Variants in DNM3 observed in about 807,000 individuals in gnomAD.
DNM3 encodes dynamin 3, also known as dynamin-3.
Under a neutral mutation model 101.6 loss-of-function variants are expected in DNM3, and 47 were observed. That is an observed-to-expected ratio of 0.46 (90% CI 0.37 to 0.59). The LOEUF (loss-of-function observed/expected upper bound fraction) is 0.59. DNM3 is among the 20% of genes least tolerant of loss of function. DNM3 has a pLI of 0.00. For synonymous variants in DNM3, 385 were observed against 387.9 expected (o/e 0.99, Z 0.09); for missense variants, 849 against 1,085.7 (o/e 0.78, Z 3.06).
rs2071169131 is a variant in DNM3 at position 172,410,948 on chromosome 1, C to G, written c.*3107C>G. 2.0e-6 allele frequency: 2 copies of G among 985,206 alleles called. No homozygotes were observed. The highest frequency in any genetic ancestry group is 2.4e-6 in the Non-Finnish European group (2 of 829,798). 61.0% of individuals were successfully genotyped at this position (985,206 alleles called of 1,614,324 possible). The stretch of plus-strand genomic sequence containing the variant: ...AAACACATTTTCTATGCATGTGTCT[C>G]TGTGTATATGGCATATACCTAGTAA... On this transcript the variant is annotated 3_prime_UTR_variant, in exon 21 of 21. Transcript: ENST00000627582.
intron 10 of DNM3, among the ~76,000 whole-genome samples, chr1:172,053,213 A>G (rs375531856): frequency 6.6e-6 from 1 of 152,112 alleles, no homozygotes; most frequent in Non-Finnish European, 1.5e-5. Flanking sequence ...TGCTTCAGCC[A>G]TTCTAGATGA....
chr1:172,207,031 T>C (rs1217880325), intron 14 of DNM3, among the ~76,000 whole-genome samples: 3 of 152,028 alleles, frequency 2.0e-5, no homozygotes, highest in Non-Finnish European at 4.4e-5. Flanking sequence ...TGGTAGATGC[T>C]CAGGATTTCT....
chr1:171,884,948 C>T (rs1389777132), intron 1 of DNM3, among the ~76,000 whole-genome samples: 1 of 152,206 alleles, frequency 6.6e-6, no homozygotes, highest in Admixed American at 6.5e-5. Flanking sequence ...AATCAGTCCA[C>T]TACATGTTCC....
intron 17 of DNM3, among the ~76,000 whole-genome samples, chr1:172,343,107 C>A (rs193205657): frequency 3.9e-5 from 6 of 152,284 alleles, no homozygotes; most frequent in African/African-American, 1.4e-4. Flanking sequence ...ACCTCTAAGA[C>A]TAACCATAAT....
intron 7 of DNM3, among the ~76,000 whole-genome samples, chr1:172,040,013 A>G (rs1408640164): frequency 1.3e-5 from 2 of 152,168 alleles, no homozygotes; most frequent in African/African-American, 4.8e-5. Flanking sequence ...CATGTGAGGA[A>G]GGATGTGAAT....
chr1:172,106,965 A>C (rs1173187017), intron 13 of DNM3, among the ~76,000 whole-genome samples: 1 of 140,184 alleles, frequency 7.1e-6, no homozygotes, highest in Non-Finnish European at 1.5e-5. Flanking sequence ...GGTTCACGCC[A>C]TTCTCCTGCC....
At chr1:172,108,619 A>C (rs2055239159) in intron 13 of DNM3, among the ~76,000 whole-genome samples, 1 of 152,226 alleles carries the variant, frequency 6.6e-6, no homozygotes, top group South Asian at 2.1e-4. Context: ...TTACTCCCAA[A>C]GTTACTATGA....
At chr1:171,978,154 C>T (rs1014257709) in intron 2 of DNM3, among the ~76,000 whole-genome samples, 3 of 152,092 alleles carry the variant, frequency 2.0e-5, no homozygotes, top group African/African-American at 7.2e-5. Context: ...AGATAATGCT[C>T]CTGTTCTCAT....
chr1:171,911,106 C>T (rs2039258591), intron 1 of DNM3, among the ~76,000 whole-genome samples: 2 of 152,080 alleles, frequency 1.3e-5, no homozygotes, highest in South Asian at 4.1e-4. Context: ...GAGAGAGAAG[C>T]TGGATCCAGG....
intron 13 of DNM3, chr1:172,093,856 G>A (rs1461096930): frequency 2.4e-5 from 18 of 735,098 alleles, no homozygotes; most frequent in East Asian, 2.1e-4. Context: ...TGTCTTGTCC[G>A]TAACACCCTA....
At chr1:171,968,519 C>CA (rs370621859) in intron 2 of DNM3, among the ~76,000 whole-genome samples, 1 of 152,270 alleles carries the variant, frequency 6.6e-6, no homozygotes, top group African/African-American at 2.4e-5. Flanking sequence ...GAGGGGACTT[C>CA]ATTATCATGC....
chr1:172,299,431 T>A (rs1573357610), intron 15 of DNM3, among the ~76,000 whole-genome samples: 1 of 152,202 alleles, frequency 6.6e-6, no homozygotes, highest in Admixed American at 6.5e-5. Context: ...GCAGGTTTGT[T>A]ACATGGGTAT....
intron 1 of DNM3, among the ~76,000 whole-genome samples, chr1:171,853,468 G>A (rs2033217470): frequency 6.6e-6 from 1 of 152,034 alleles, no homozygotes. Context: ...TGCCTGGTCT[G>A]TATTTATTTA....
At chr1:172,097,951 T>C (rs1187536429) in intron 13 of DNM3, among the ~76,000 whole-genome samples, 1 of 151,968 alleles carries the variant, frequency 6.6e-6, no homozygotes, top group African/African-American at 2.4e-5. Context: ...ACGAATAGGG[T>C]TTGGGTCACA....
At chr1:172,082,850 A>T (rs558441962) in intron 12 of DNM3, among the ~76,000 whole-genome samples, 2 of 152,226 alleles carry the variant, frequency 1.3e-5, no homozygotes, top group African/African-American at 4.8e-5. Context: ...ACTGAAAATT[A>T]TCTCATCCTA....
At chr1:172,316,288 C>A (rs989426791) in intron 16 of DNM3, among the ~76,000 whole-genome samples, 2 of 151,882 alleles carry the variant, frequency 1.3e-5, no homozygotes, top group East Asian at 3.9e-4. Context: ...AAAATCATGC[C>A]AAAATGTAAA....
At position 172,116,512 on chromosome 1, in the gene DNM3, G is replaced by C. The variant is rs1174786268; in HGVS notation, c.1546-14663G>C. On this transcript the variant is annotated intron_variant, in intron 13 of 20. Transcript: ENST00000627582. ...GCATGGAGTGGACAGGTGGTGTTGG[G>C]GAGGGGGAACAGGGAAAGGCAGAGG... 2.6e-5 allele frequency among the ~76,000 whole-genome samples: 4 copies of C among 152,208 alleles called. No individual in the cohort carries two copies. In the East Asian group the frequency reaches 7.7e-4, roughly 29 times the overall value.
rs187020723 is a variant in DNM3 at position 171,861,037 on chromosome 1, G to A, written c.161+19220G>A. Among the ~76,000 whole-genome samples the A allele has an allele frequency of 2.7e-3, 414 of 152,124 alleles. 4 individuals are homozygous for A. Among genetic ancestry groups the A allele is most frequent in the African/African-American group, 9.6e-3 (397 of 41,516 alleles). On this transcript the variant is annotated intron_variant, in intron 1 of 20. Transcript: ENST00000627582. ...AATCAGTACTTGTCAATATATCATT[G>A]ATATTTAAAACCTTAAGACTGCACA...
rs542363824 is a variant in DNM3 at position 171,988,577 on chromosome 1, C to T, written c.386-368C>T. Among the ~76,000 whole-genome samples, 14 of 152,098 alleles carry T rather than the reference C, an allele frequency of 9.2e-5. No individual in the cohort carries two copies. In the South Asian group the frequency reaches 2.9e-3, roughly 32 times the overall value. On this transcript the variant is annotated intron_variant, in intron 3 of 20. Transcript: ENST00000627582. ...ACTTTTTAAGGAAAGGGCAGTCTTA[C>T]CCTGTGAGTTTTTATACCACTTGAA... is the stretch of plus-strand genomic sequence containing the variant.
Sources: gnomAD v4.1 joint callset for allele counts (sites outside exome capture counted in the v4.1 genomes callset) on GRCh38, gnomAD v4.1.1 for gene constraint, MANE v1.5 for transcripts, NCBI Gene and HGNC (gene_info 2026-07-23, HGNC 2026-07-21) for gene names.